The following GAB2 variants were observed in gnomAD, a reference collection of about 807,000 sequenced individuals.
GAB2 encodes the protein GRB2 associated binding protein 2.
A neutral mutation model predicts 65.5 loss-of-function variants in GAB2; 26 were observed. The observed-to-expected ratio is 0.40, with a 90% CI of 0.29 to 0.55. The LOEUF (loss-of-function observed/expected upper bound fraction) is 0.55. Among genes scored for constraint, GAB2 ranks in the 20% least tolerant of loss-of-function variants. The pLI, the probability that GAB2 is intolerant of heterozygous loss-of-function variation, is 0.53. For missense variants in GAB2, 884 were observed against 875.8 expected, an observed-to-expected ratio of 1.01 and a Z score of -0.12; for synonymous variants, 321 against 329.6, an observed-to-expected ratio of 0.97 and a Z score of 0.28.
intron 8 of GAB2, among the ~76,000 whole-genome samples, chr11:78,221,457 C>G (rs534334334): frequency 6.6e-6 from 1 of 152,320 alleles, no homozygotes; most frequent in South Asian, 2.1e-4. Flanking sequence ...AAGACCATGA[C>G]TTCGTTGGGA....
intron 1 of GAB2, among the ~76,000 whole-genome samples, chr11:78,283,334 G>T (rs773039322): frequency 6.6e-6 from 1 of 152,170 alleles, no homozygotes; most frequent in African/African-American, 2.4e-5. Context: ...TGTGCACAAA[G>T]ACATCACTTC....
At chr11:78,329,651 C>A (rs1215200109) in intron 1 of GAB2, among the ~76,000 whole-genome samples, 1 of 152,156 alleles carries the variant, frequency 6.6e-6, no homozygotes, top group Non-Finnish European at 1.5e-5. Context: ...TTAGAGGCCA[C>A]AGGGAAATGT....
intron 1 of GAB2, among the ~76,000 whole-genome samples, chr11:78,361,859 A>G (rs181107924): frequency 6.6e-6 from 1 of 151,338 alleles, no homozygotes; most frequent in Admixed American, 6.6e-5. Context: ...GCAATGCCAG[A>G]AACTTATCCT....
intron 1 of GAB2, among the ~76,000 whole-genome samples, chr11:78,400,589 G>A (rs1439899081): frequency 2.0e-5 from 3 of 152,124 alleles, no homozygotes; most frequent in African/African-American, 7.2e-5. Flanking sequence ...TCTACCTAGA[G>A]ATAAAAAGCA....
chr11:78,369,608 G>A (rs577429178), intron 1 of GAB2, among the ~76,000 whole-genome samples: 8 of 152,270 alleles, frequency 5.3e-5, no homozygotes, highest in African/African-American at 1.9e-4. Context: ...TTGGTCACAA[G>A]GTAGTATCTG....
chr11:78,236,935 T>C (rs1374437243), intron 3 of GAB2, among the ~76,000 whole-genome samples: 4 of 152,260 alleles, frequency 2.6e-5, no homozygotes, highest in Admixed American at 6.5e-5. Context: ...TTTAGTTGGA[T>C]TCGACTGCTA....
chr11:78,414,430 G>A (rs181672195), intron 1 of GAB2, among the ~76,000 whole-genome samples: 87 of 152,320 alleles, frequency 5.7e-4, no homozygotes, highest in Non-Finnish European at 1.0e-3. Flanking sequence ...GGGGTAGTCT[G>A]CCAATCTTAT....
intron 1 of GAB2, among the ~76,000 whole-genome samples, chr11:78,385,499 T>A (rs1327418968): frequency 1.3e-5 from 2 of 152,188 alleles, no homozygotes; most frequent in Non-Finnish European, 2.9e-5. Flanking sequence ...AAAGCATTAG[T>A]TATGACACAA....
intron 1 of GAB2, chr11:78,318,163 G>C (rs1855649422): frequency 6.6e-6 from 1 of 151,804 alleles, no homozygotes; most frequent in South Asian, 2.1e-4. Context: ...CCATCAGAGA[G>C]TTGATAATTG....
At chr11:78,280,506 C>T (rs1255249817) in intron 2 of GAB2, 95 bp downstream of exon 2, 2 of 1,019,888 alleles carry the variant, frequency 2.0e-6, no homozygotes, top group East Asian at 2.4e-5. Context: ...GCTCTTCCAA[C>T]AGGAAACCTT....
chr11:78,239,033 C>G (rs1865060337), intron 3 of GAB2, among the ~76,000 whole-genome samples: 1 of 151,672 alleles, frequency 6.6e-6, no homozygotes, highest in Non-Finnish European at 1.5e-5. Context: ...CTCAACACCA[C>G]TAATCATTAG....
rs1210727332 is a variant in GAB2 at position 78,217,990 on chromosome 11, T to C, written c.*1282A>G. The C allele has an allele frequency of 6.5e-6, 1 of 153,206 alleles. No individual in the cohort carries two copies. Among genetic ancestry groups the C allele is most frequent in the Non-Finnish European group, 1.5e-5 (1 of 68,638 alleles). The allele number at this position is 153,206 out of a possible 1,614,324, so 9.5% of individuals were successfully genotyped here. ...GAACGGTCCTCATGTCACACCACCA[T>C]GCACACCACTCTTGCACGTGTCCCT... is the stretch of plus-strand genomic sequence containing the variant. On this transcript the variant is annotated 3_prime_UTR_variant, in exon 10 of 10. Coordinates refer to ENST00000361507, the MANE Select transcript of GAB2 (RefSeq NM_080491.3).
chr11:78,346,706 T>C (rs1199012226), intron 1 of GAB2, among the ~76,000 whole-genome samples: 8 of 96,658 alleles, frequency 8.3e-5, no homozygotes, highest in Admixed American at 3.0e-4. Flanking sequence ...TATATATATA[T>C]ATATATATAT....
At chr11:78,230,221 G>C (rs1193507949) in intron 3 of GAB2, among the ~76,000 whole-genome samples, 1 of 152,250 alleles carries the variant, frequency 6.6e-6, no homozygotes, top group Non-Finnish European at 1.5e-5. Context: ...CTGATCAGCA[G>C]ATCAAAGCCC....
At chr11:78,219,838 G>A (rs1864331875) in intron 9 of GAB2, among the ~76,000 whole-genome samples, 1 of 152,174 alleles carries the variant, frequency 6.6e-6, no homozygotes, top group South Asian at 2.1e-4. Flanking sequence ...GGGGAACCAT[G>A]CTGAGGCACA....
chr11:78,331,129 C>T (rs1198849271), intron 1 of GAB2, among the ~76,000 whole-genome samples: 3 of 151,818 alleles, frequency 2.0e-5, no homozygotes, highest in Non-Finnish European at 4.4e-5. Flanking sequence ...CAGCCGAAAT[C>T]GCGCCACTGC....
intron 1 of GAB2, among the ~76,000 whole-genome samples, chr11:78,394,014 C>A (rs1188961322): frequency 6.6e-6 from 1 of 152,212 alleles, no homozygotes; most frequent in Non-Finnish European, 1.5e-5. Flanking sequence ...ATGGGCCAGG[C>A]GTGGTGGCTC....
At chr11:78,344,895 T>C (rs1235735163) in intron 1 of GAB2, among the ~76,000 whole-genome samples, 1 of 152,190 alleles carries the variant, frequency 6.6e-6, no homozygotes, top group East Asian at 1.9e-4. Flanking sequence ...GGCACAAAAG[T>C]GGTTTAATGA....
At chr11:78,310,542 C>T (rs998128404) in intron 1 of GAB2, among the ~76,000 whole-genome samples, 4 of 147,550 alleles carry the variant, frequency 2.7e-5, no homozygotes, top group Admixed American at 1.3e-4. Flanking sequence ...AAAAAAAAAT[C>T]AAAATGAAAG....
Sources: gnomAD v4.1 joint callset for allele counts (sites outside exome capture counted in the v4.1 genomes callset) on GRCh38, gnomAD v4.1.1 for gene constraint, MANE v1.5 for transcripts, NCBI Gene and HGNC (gene_info 2026-07-23, HGNC 2026-07-21) for gene names.